The following RGS3 variants were observed in gnomAD, a reference collection of about 807,000 sequenced individuals.
RGS3 encodes the protein regulator of G-protein signalling 3.
RGS3 carries 80 observed loss-of-function variants against 132.6 expected under a neutral mutation model. That is an observed-to-expected ratio of 0.60 (90% CI 0.50 to 0.73). The LOEUF (loss-of-function observed/expected upper bound fraction) is 0.73. Among genes scored for constraint, RGS3 ranks in the 30% least tolerant of loss-of-function variants. The pLI is 0.00. For synonymous variants in RGS3, 598 were observed against 620.6 expected (o/e 0.96, Z 0.54); for missense variants, 1,382 against 1,530.8 (o/e 0.90, Z 1.62).
At chr9:113,556,511 A>G (rs374986288) in intron 19 of RGS3, among the ~76,000 whole-genome samples, 13 of 152,164 alleles carry the variant, frequency 8.5e-5, no homozygotes, top group South Asian at 4.1e-4. Context: ...TGAGAAAACA[A>G]AGGAAAAGAG....
intron 19 of RGS3, among the ~76,000 whole-genome samples, chr9:113,562,579 A>T (rs1187748206): frequency 6.6e-6 from 1 of 152,060 alleles, no homozygotes; most frequent in Non-Finnish European, 1.5e-5. Flanking sequence ...CAGTGCTGTC[A>T]TGTGTCAGAT....
intron 19 of RGS3, among the ~76,000 whole-genome samples, chr9:113,569,504 A>G (rs1834169109): frequency 6.6e-6 from 1 of 152,074 alleles, no homozygotes; most frequent in Non-Finnish European, 1.5e-5. Context: ...CACTTCCTGC[A>G]GTTCCCAGTT....
exon 20 of RGS3, chr9:113,584,100 G>A (rs760745586): frequency 2.2e-5 from 35 of 1,614,118 alleles, no homozygotes; most frequent in Admixed American, 1.2e-4. Flanking sequence ...AAGGGGAGGA[G>A]GACGAGGATG....
intron 20 of RGS3, among the ~76,000 whole-genome samples, chr9:113,586,050 A>C (rs1835100651): frequency 6.6e-6 from 1 of 152,246 alleles, no homozygotes; most frequent in African/African-American, 2.4e-5. Flanking sequence ...CTGGAATCAG[A>C]ATCTCTAGGG....
intron 19 of RGS3, chr9:113,541,637 G>C: frequency 1.7e-6 from 2 of 1,204,360 alleles, no homozygotes; most frequent in South Asian, 5.3e-5. Context: ...TGCAGAGACT[G>C]GCAGCAGAAA....
At chr9:113,595,087 C>T (rs548914872) in intron 23 of RGS3, 107 bp downstream of exon 21, 41 of 1,074,212 alleles carry the variant, frequency 3.8e-5, no homozygotes, top group South Asian at 2.0e-4. Flanking sequence ...TCCCTCTCCT[C>T]GGCCGTCAGG....
chr9:113,540,540 C>T (rs1011660805), intron 19 of RGS3, among the ~76,000 whole-genome samples: 2 of 152,276 alleles, frequency 1.3e-5, no homozygotes, highest in Non-Finnish European at 2.9e-5. Context: ...TCATCCGTGC[C>T]GTGAGCCTCC....
At chr9:113,501,718 A>C in intron 10 of RGS3, 1 of 1,355,540 alleles carries the variant, frequency 7.4e-7, no homozygotes, top group East Asian at 2.5e-5. Context: ...GCTCCTCACA[A>C]GGTCTTCTTT....
At chr9:113,498,681 G>A (rs968921862) in intron 10 of RGS3, among the ~76,000 whole-genome samples, 2 of 152,172 alleles carry the variant, frequency 1.3e-5, no homozygotes, top group Non-Finnish European at 2.9e-5. Flanking sequence ...TTGGGAGGCC[G>A]AGGTGGGCGG....
intron 17 of RGS3, among the ~76,000 whole-genome samples, chr9:113,527,171 G>A (rs1285099055): frequency 6.6e-6 from 1 of 152,182 alleles, no homozygotes; most frequent in Non-Finnish European, 1.5e-5. Context: ...AGTTGTCAAG[G>A]CAATCCATCC....
At chr9:113,495,435 T>G (rs1391850901) in intron 7 of RGS3, among the ~76,000 whole-genome samples, 2 of 152,196 alleles carry the variant, frequency 1.3e-5, no homozygotes, top group Non-Finnish European at 2.9e-5. Flanking sequence ...ACCAATGATG[T>G]GGGCAAGGAG....
intron 22 of RGS3, 69 bp from the exon 21 acceptor site, chr9:113,594,850 T>A: frequency 6.7e-7 from 1 of 1,490,268 alleles, no homozygotes; most frequent in Non-Finnish European, 9.3e-7. Flanking sequence ...AAAGGCCGCC[T>A]GGCCCAGCTT....
chr9:113,507,450 C>T lies in RGS3; in HGVS notation c.1249C>T (p.Arg417Trp), dbSNP rs200633658. 24 of 1,613,744 alleles carry T rather than the reference C, an allele frequency of 1.5e-5. No homozygotes were observed. In the Admixed American group the frequency reaches 1.7e-4, roughly 11 times the overall value. Residue 417 changes from arginine (R) to tryptophan (W), a missense_variant, in exon 13 of 25, where the codon CGG becomes TGG. Physicochemically the swap from Arg to Trp is moderately radical, Grantham distance 101. Transcript: ENST00000350696. The surrounding 1 kb of genome is among the most constrained non-coding windows in gnomAD (Gnocchi z 5.0). ...GAACTGCACCCATGGGGTCCAGGCA[C>T]GGCCTGAGCAGCGCCACAGCTGCCA... is the stretch of plus-strand genomic sequence containing the variant.
intron 10 of RGS3, among the ~76,000 whole-genome samples, chr9:113,500,729 C>T (rs1489315396): frequency 6.6e-6 from 1 of 151,178 alleles, no homozygotes; most frequent in East Asian, 1.9e-4. Context: ...TCTCTGTCAC[C>T]CAGGCTGGAG....
chr9:113,452,131 T>G (rs1345258707), intron 1 of RGS3, among the ~76,000 whole-genome samples: 1 of 152,072 alleles, frequency 6.6e-6, no homozygotes, highest in East Asian at 1.9e-4. Flanking sequence ...CCCGAGTAGC[T>G]AGGACTACAG....
At chr9:113,470,332 C>G (rs1829790187) in intron 3 of RGS3, among the ~76,000 whole-genome samples, 1 of 152,092 alleles carries the variant, frequency 6.6e-6, no homozygotes, top group African/African-American at 2.4e-5. Flanking sequence ...TCTGTCAGTT[C>G]CTAAGAGAGG....
chr9:113,597,044 C>G (rs1835823740), exon 25 of RGS3: 5 of 1,170,212 alleles, frequency 4.3e-6, no homozygotes, highest in Non-Finnish European at 4.8e-6. Flanking sequence ...AGGGGGCAAG[C>G]AAGCCCCCAG....
chr9:113,510,172 T>C (rs909259635), intron 14 of RGS3, among the ~76,000 whole-genome samples: 3 of 152,166 alleles, frequency 2.0e-5, no homozygotes, highest in Admixed American at 1.3e-4. Context: ...CCATGTATCG[T>C]TGAGAACATA....
chr9:113,560,544 A>C (rs993855328), intron 19 of RGS3, among the ~76,000 whole-genome samples: 1 of 152,132 alleles, frequency 6.6e-6, no homozygotes. Flanking sequence ...GTTCCATCCC[A>C]TGGGCGGGCT....
Sources: gnomAD v4.1 joint callset for allele counts (sites outside exome capture counted in the v4.1 genomes callset) on GRCh38, gnomAD v4.1.1 for gene constraint, Gnocchi (gnomAD v3.1) non-coding constraint, MANE v1.5 for transcripts, NCBI Gene and HGNC (gene_info 2026-07-23, HGNC 2026-07-21) for gene names.